Variants in R3HCC1 observed in about 807,000 individuals in gnomAD.
R3HCC1 encodes R3H domain and coiled-coil containing 1.
R3HCC1 carries 32 observed loss-of-function variants against 40.0 expected under a neutral mutation model. The ratio of observed to expected loss-of-function variants is 0.80; its 90% CI spans 0.60 to 1.07. The LOEUF (loss-of-function observed/expected upper bound fraction) is 1.07, where lower values mean the gene tolerates loss of function less well. Ranked by LOEUF, R3HCC1 falls within the 50% of genes least tolerant of loss-of-function variation. The probability of loss-of-function intolerance (pLI) is 0.00; values close to 1 mark genes in which losing one functional copy is unlikely to be tolerated. For missense variants in R3HCC1, 586 were observed against 563.3 expected (o/e 1.04, Z -0.41); for synonymous variants, 237 against 232.8 (o/e 1.02, Z -0.17).
In R3HCC1 at chr8:23,296,249, AAAAAT is replaced by A; in HGVS notation, c.*157_*161del. 1.1e-6 allele frequency: 1 copy of A among 927,592 alleles called. No individual in the cohort carries two copies. Among genetic ancestry groups the A allele is most frequent in the Non-Finnish European group, 1.5e-6 (1 of 652,658 alleles). The allele number at this position is 927,592 out of a possible 1,614,324, so 57.5% of individuals were successfully genotyped here. On this transcript the variant is annotated 3_prime_UTR_variant, in exon 8 of 8. Coordinates refer to ENST00000265806, the MANE Select transcript of R3HCC1 (RefSeq NM_001136108.3). ...TTTAGTTTAGTCCCAGAAATGGAGA[AAAAAT>A]AAAAACTCACGTTGTTCTAATGTGA...
intron 5 of R3HCC1, among the ~76,000 whole-genome samples, chr8:23,292,167 G>C (rs192141909): frequency 1.3e-5 from 2 of 148,412 alleles, no homozygotes; most frequent in Non-Finnish European, 1.5e-5. Flanking sequence ...TTGCTCTTTT[G>C]TCCAGGCAGG....
intron 4 of R3HCC1, 176 bp from the exon 5 acceptor site, chr8:23,291,185 C>T (rs148295748): frequency 4.2e-4 from 332 of 792,968 alleles, no homozygotes; most frequent in African/African-American, 9.1e-4. Flanking sequence ...AGTGCCCTCC[C>T]GTAAAACCCA....
chr8:23,295,107 G>A lies in R3HCC1; in HGVS notation c.1192+243G>A, dbSNP rs563722278. 1.2e-3 allele frequency among the ~76,000 whole-genome samples: 179 copies of A among 152,214 alleles called. 2 individuals are homozygous for A. The highest frequency in any genetic ancestry group is 1.7e-3 in the Non-Finnish European group (116 of 67,990). On this transcript the variant is annotated intron_variant, in intron 7 of 7. Coordinates refer to ENST00000265806, the MANE Select transcript of R3HCC1 (RefSeq NM_001136108.3). The stretch of plus-strand genomic sequence containing the variant: ...GGGTCTCCCTTGGGGAGTGGCGTCT[G>A]CCAGCTGCTGTGCAGGGAGGCTCTC...
At chr8:23,293,963 G>C (rs573006861) in intron 6 of R3HCC1, among the ~76,000 whole-genome samples, 142 of 152,242 alleles carry the variant, frequency 9.3e-4, no homozygotes, top group Non-Finnish European at 1.7e-3. Flanking sequence ...ACACCACCGT[G>C]CTTACATTTG....
intron 3 of R3HCC1, 62 bp from the exon 4 acceptor site, chr8:23,289,804 A>G (rs1802819185): frequency 2.1e-6 from 3 of 1,439,810 alleles, no homozygotes; most frequent in Admixed American, 5.6e-5. Context: ...AAGTGGCTCT[A>G]GTAAATCATT....
intron 3 of R3HCC1, 46 bp from the exon 4 acceptor site, chr8:23,289,820 T>A: frequency 2.8e-6 from 4 of 1,444,400 alleles, no homozygotes; most frequent in Non-Finnish European, 3.6e-6. Flanking sequence ...TCATTTTCCT[T>A]TGGGCCCCTA....
Position 23,290,314 on chromosome 8 carries a change from C to A in R3HCC1, c.697C>A (p.Arg233=), listed in dbSNP as rs150268828. The change falls in exon 4 of 8, where the codon CGG becomes AGG. Residue 233 remains arginine (R), a synonymous_variant. Coordinates refer to ENST00000265806, the MANE Select transcript of R3HCC1 (RefSeq NM_001136108.3). ...GGGAGACATGGTGGAGATGGCCACACGGTTTGGGTCCACCCTGCAGCTAGA... is the reference window on the plus strand; with the variant it reads ...GGGAGACATGGTGGAGATGGCCACAAGGTTTGGGTCCACCCTGCAGCTAGA... 3.9e-6 allele frequency: 6 copies of A among 1,551,602 alleles called. No individual in the cohort carries two copies. Among genetic ancestry groups the A allele is most frequent in the African/African-American group, 2.7e-5 (2 of 73,022 alleles).
chr8:23,292,559 A>G lies in R3HCC1; in HGVS notation c.1026-744A>G, dbSNP rs1002089571. Among the ~76,000 whole-genome samples, 3 of 152,296 alleles carry G rather than the reference A, an allele frequency of 2.0e-5. No homozygotes were observed. In the East Asian group the frequency reaches 5.8e-4, roughly 29 times the overall value. On this transcript the variant is annotated intron_variant, in intron 5 of 7. Coordinates refer to ENST00000265806, the MANE Select transcript of R3HCC1 (RefSeq NM_001136108.3). ...AACCCGGGAGGTGGAGCTTGTAGTGAGCCGAGATTGTGCCACTGCACTTCA... is the reference window on the plus strand; with the variant it reads ...AACCCGGGAGGTGGAGCTTGTAGTGGGCCGAGATTGTGCCACTGCACTTCA...
intron 7 of R3HCC1, chr8:23,295,759 G>A: frequency 1.5e-6 from 1 of 664,340 alleles, no homozygotes; most frequent in Non-Finnish European, 2.5e-6. Context: ...GAGGCGACAA[G>A]TTTGGGTCAG....
rs1259364774 is a variant in R3HCC1, at chr8:23,288,651, G to T, written c.110+18G>T. On this transcript the variant is annotated intron_variant, in intron 2 of 7. Transcript: ENST00000265806. ...CTGTCAAAGTAGGCTCATGTGAGGG[G>T]CGAGGGTGCCGCCTTGCTGGGAAGG... 2 of 1,534,522 alleles carry T rather than the reference G, an allele frequency of 1.3e-6. No individual in the cohort carries two copies. The highest frequency in any genetic ancestry group is 2.4e-5 in the East Asian group (1 of 40,858).
At chr8:23,294,243 G>T (rs1003667526) in intron 6 of R3HCC1, among the ~76,000 whole-genome samples, 2 of 152,152 alleles carry the variant, frequency 1.3e-5, no homozygotes, top group Non-Finnish European at 2.9e-5. Flanking sequence ...TGGCCATGGC[G>T]TTCTGATCTC....
intron 3 of R3HCC1, 111 bp downstream of exon 3, chr8:23,289,264 G>T: frequency 8.2e-7 from 1 of 1,220,746 alleles, no homozygotes. Context: ...GGGACCCCCG[G>T]CTGCTGCCAT....
At chr8:23,292,835 C>G (rs1020304576) in intron 5 of R3HCC1, among the ~76,000 whole-genome samples, 3 of 152,198 alleles carry the variant, frequency 2.0e-5, no homozygotes, top group Non-Finnish European at 2.9e-5. Context: ...CCTTAGGCCT[C>G]TCACAAGCTG....
chr8:23,296,108 C>T lies in R3HCC1; in HGVS notation c.*11C>T. On this transcript the variant is annotated 3_prime_UTR_variant, in exon 8 of 8. Coordinates refer to ENST00000265806, the MANE Select transcript of R3HCC1 (RefSeq NM_001136108.3). Reference sequence around the variant, plus strand: ...CCGCTGCCGCCCTGAGGCCTGGAGACCCAACTGGCCTGGATCTGCGTCCCG... The same window carrying T: ...CCGCTGCCGCCCTGAGGCCTGGAGATCCAACTGGCCTGGATCTGCGTCCCG... 1.3e-6 allele frequency: 2 copies of T among 1,546,340 alleles called. No individual in the cohort carries two copies. The highest frequency in any genetic ancestry group is 1.7e-6 in the Non-Finnish European group (2 of 1,145,118).
At position 23,294,820 on chromosome 8, in the gene R3HCC1, C is replaced by T. The variant is rs944392405; in HGVS notation, c.1148C>T (p.Thr383Ile). 23 of 1,551,338 alleles carry T rather than the reference C, an allele frequency of 1.5e-5. No homozygotes were observed. The highest frequency in any genetic ancestry group is 1.1e-4 in the African/African-American group (8 of 72,992). The change falls in exon 7 of 8, where the codon ACA becomes ATA. Residue 383 changes from threonine to isoleucine, a missense_variant. Coordinates refer to ENST00000265806, the MANE Select transcript of R3HCC1 (RefSeq NM_001136108.3). ...TCGGTGCTCAAGATCCGGCCCCTCA[C>T]ACAGGGAACCAAGCAGTCAAAGCTC...
At chr8:23,290,581 G>A (rs1451110815) in intron 4 of R3HCC1, 112 bp downstream of exon 4, 2 of 1,265,458 alleles carry the variant, frequency 1.6e-6, no homozygotes, top group Non-Finnish European at 2.1e-6. Context: ...GCAAGGGGAG[G>A]TAGGGCTGGG....
rs1802780837 is a variant in R3HCC1 at position 23,288,173 on chromosome 8, CTGGGGGGG to C, written c.-19+20_-19+27del. The C allele has an allele frequency of 8.2e-7, 1 of 1,214,496 alleles. No individual in the cohort carries two copies. The highest frequency in any genetic ancestry group is 1.6e-5 in the African/African-American group (1 of 62,586). The allele number at this position is 1,214,496 out of a possible 1,614,324, so 75.2% of individuals were successfully genotyped here. ...AGAGGCCGCGGTGAGTGCAGCAGCA[CTGGGGGGG>C]TGGTCGTCCCGACCCCCGGGCTCCC... On this transcript the variant is annotated intron_variant, in intron 1 of 7. Coordinates refer to ENST00000265806, the MANE Select transcript of R3HCC1 (RefSeq NM_001136108.3).
At chr8:23,293,914 C>T (rs1802930049) in intron 6 of R3HCC1, among the ~76,000 whole-genome samples, 1 of 152,220 alleles carries the variant, frequency 6.6e-6, no homozygotes, top group Admixed American at 6.5e-5. Context: ...GACTCCAGTG[C>T]TCCTGTCTCC....
rs147790072 is a variant in R3HCC1, at chr8:23,289,900, C to T, written c.283C>T (p.Arg95Cys). ...TTCGGATGGCCTCTCTGGCCCCTGCCGCGCTCCTGCCTCCTGCCCCAGCAG... is the reference window on the plus strand; with the variant it reads ...TTCGGATGGCCTCTCTGGCCCCTGCTGCGCTCCTGCCTCCTGCCCCAGCAG... Residue 95 changes from arginine to cysteine, a missense_variant, in exon 4 of 8, where the codon CGC (arginine) becomes TGC (cysteine). Arg to Cys is a radical substitution (Grantham distance 180). Transcript: ENST00000265806. 441 of 1,531,134 alleles carry T rather than the reference C, an allele frequency of 2.9e-4. No individual in the cohort carries two copies. In the East Asian group the frequency reaches 3.4e-3, roughly 12 times the overall value. The allele number at this position is 1,531,134 out of a possible 1,614,324, so 94.8% of individuals were successfully genotyped here. A position where few individuals can be genotyped will look rare whatever the true frequency, so the allele number is the denominator to read the frequency against.
Sources: gnomAD v4.1 joint callset for allele counts (sites outside exome capture counted in the v4.1 genomes callset) on GRCh38, gnomAD v4.1.1 for gene constraint, MANE v1.5 for transcripts, NCBI Gene and HGNC (gene_info 2026-07-23, HGNC 2026-07-21) for gene names.